The following ARHGAP26 variants were observed in gnomAD, a reference collection of about 807,000 sequenced individuals.
ARHGAP26 encodes the protein rho GTPase-activating protein 26.
A neutral mutation model predicts 104.8 loss-of-function variants in ARHGAP26; 38 were observed. That is an observed-to-expected ratio of 0.36 (90% CI 0.28 to 0.48). The LOEUF (loss-of-function observed/expected upper bound fraction) is 0.48. Among genes scored for constraint, ARHGAP26 ranks in the 20% least tolerant of loss-of-function variants. The pLI, the probability that ARHGAP26 is intolerant of heterozygous loss-of-function variation, is 0.99. For missense variants in ARHGAP26, 704 were observed against 947.9 expected (o/e 0.74, Z 3.38); for synonymous variants, 341 against 340.0 (o/e 1.00, Z -0.03).
chr5:142,983,668 G>A (rs1168692630), intron 11 of ARHGAP26, among the ~76,000 whole-genome samples: 2 of 152,160 alleles, frequency 1.3e-5, no homozygotes, highest in East Asian at 3.8e-4. Context: ...ATAACATAGA[G>A]TAACAAACAG....
intron 1 of ARHGAP26, among the ~76,000 whole-genome samples, chr5:142,855,100 A>G (rs1486995589): frequency 1.3e-5 from 2 of 152,130 alleles, no homozygotes; most frequent in Non-Finnish European, 1.5e-5. Flanking sequence ...TAAAAATGAT[A>G]CAACCTGGCA....
intron 12 of ARHGAP26, among the ~76,000 whole-genome samples, chr5:143,023,396 C>A (rs971891892): frequency 3.9e-5 from 6 of 152,170 alleles, no homozygotes; most frequent in African/African-American, 1.4e-4. Flanking sequence ...GAGATTTAGG[C>A]TTGAAAACTG....
At chr5:143,216,308 G>T (rs1312483275) in intron 22 of ARHGAP26, 4 of 470,910 alleles carry the variant, frequency 8.5e-6, no homozygotes, top group Non-Finnish European at 1.8e-5. Flanking sequence ...TGCTCTTGCT[G>T]CCATAACCCC....
At position 143,149,431 on chromosome 5, in the gene ARHGAP26, C is replaced by T. The variant is rs566995070; in HGVS notation, c.1988+2050C>T. Among the ~76,000 whole-genome samples the T allele has an allele frequency of 4.6e-5, 7 of 152,234 alleles. No individual in the cohort carries two copies. The East Asian group carries it at 9.7e-4, about 21-fold the overall frequency. On this transcript the variant is annotated intron_variant, in intron 20 of 22. Coordinates refer to ENST00000645722, the MANE Select transcript of ARHGAP26 (RefSeq NM_001135608.3). ...CTGAGTGAGAGCCATGTCAAAGTCC[C>T]CCATAAGCTCTGCAGGCAGGCTCGC...
At chr5:143,001,557 C>T (rs1777194067) in intron 11 of ARHGAP26, among the ~76,000 whole-genome samples, 1 of 152,166 alleles carries the variant, frequency 6.6e-6, no homozygotes, top group African/African-American at 2.4e-5. Flanking sequence ...TTCATCTTTT[C>T]TGTATGTTTG....
intron 4 of ARHGAP26, among the ~76,000 whole-genome samples, chr5:142,883,200 A>T (rs1757246889): frequency 6.6e-6 from 1 of 152,068 alleles, no homozygotes; most frequent in Non-Finnish European, 1.5e-5. Flanking sequence ...AATGCCAGTG[A>T]CTCATGTTCC....
intron 20 of ARHGAP26, chr5:143,202,928 A>G (rs1807988430): frequency 6.6e-6 from 1 of 152,272 alleles, no homozygotes; most frequent in South Asian, 2.1e-4. Flanking sequence ...AATTAGCTCA[A>G]GATGGATTAA....
chr5:143,015,330 G>T (rs527429499), intron 12 of ARHGAP26, among the ~76,000 whole-genome samples: 1 of 152,236 alleles, frequency 6.6e-6, no homozygotes, highest in Non-Finnish European at 1.5e-5. Flanking sequence ...ATGTAAGGCT[G>T]TATGGTAGCT....
chr5:143,106,415 A>C lies in ARHGAP26; in HGVS notation c.1539-14573A>C, dbSNP rs900260187. Among the ~76,000 whole-genome samples the C allele has an allele frequency of 1.3e-4, 20 of 150,740 alleles. 1 individual carries two copies. The highest frequency in any genetic ancestry group is 4.4e-4 in the African/African-American group (18 of 41,066). ...CTTAGCAGCTGTTGACACAGACTTC[A>C]GAATTCCCATGGAAAAGGAAGTGAA... On this transcript the variant is annotated intron_variant, in intron 17 of 22. Transcript: ENST00000645722.
chr5:142,851,175 C>A (rs1337144881), intron 1 of ARHGAP26, among the ~76,000 whole-genome samples: 1 of 151,438 alleles, frequency 6.6e-6, no homozygotes, highest in Non-Finnish European at 1.5e-5. Context: ...CGGCTCACTG[C>A]AAGCTCTGCC....
chr5:142,800,604 C>A (rs1021011525), intron 1 of ARHGAP26, among the ~76,000 whole-genome samples: 1 of 152,144 alleles, frequency 6.6e-6, no homozygotes, highest in East Asian at 1.9e-4. Flanking sequence ...CTCAGGTGAT[C>A]CACCCACTCA....
At chr5:142,857,341 T>C (rs1166515297) in intron 1 of ARHGAP26, among the ~76,000 whole-genome samples, 2 of 152,164 alleles carry the variant, frequency 1.3e-5, no homozygotes, top group Non-Finnish European at 2.9e-5. Flanking sequence ...CTCCAAGTCT[T>C]TTCATTCTTC....
intron 1 of ARHGAP26, among the ~76,000 whole-genome samples, chr5:142,830,354 A>G (rs1768151603): frequency 1.3e-5 from 2 of 152,204 alleles, no homozygotes; most frequent in Admixed American, 6.5e-5. Context: ...ATTGAGAGTG[A>G]CTATGGCAAT....
chr5:143,191,986 G>T (rs745865327), intron 20 of ARHGAP26, among the ~76,000 whole-genome samples: 2 of 152,232 alleles, frequency 1.3e-5, no homozygotes, highest in African/African-American at 2.4e-5. Flanking sequence ...TCTGCCAGCA[G>T]TCTTACCCTT....
intron 20 of ARHGAP26, among the ~76,000 whole-genome samples, chr5:143,178,546 G>A (rs1803834714): frequency 6.6e-6 from 1 of 152,192 alleles, no homozygotes; most frequent in Non-Finnish European, 1.5e-5. Flanking sequence ...CTCCTCCAGG[G>A]AGCCTTCCCT....
At chr5:142,912,688 A>G (rs897618816) in intron 9 of ARHGAP26, among the ~76,000 whole-genome samples, 3 of 152,208 alleles carry the variant, frequency 2.0e-5, no homozygotes, top group Non-Finnish European at 1.5e-5. Flanking sequence ...CTGTGGTCTA[A>G]TGGAGAGAGA....
At chr5:142,941,299 C>T (rs1220672731) in intron 11 of ARHGAP26, among the ~76,000 whole-genome samples, 1 of 151,898 alleles carries the variant, frequency 6.6e-6, no homozygotes, top group African/African-American at 2.4e-5. Context: ...TTAGTAATAG[C>T]CATTCTGACT....
chr5:142,997,474 T>C (rs1776574516), intron 11 of ARHGAP26, among the ~76,000 whole-genome samples: 1 of 152,068 alleles, frequency 6.6e-6, no homozygotes, highest in South Asian at 2.1e-4. Context: ...AGTGGCTCCA[T>C]CATAGCTCAT....
chr5:143,175,974 CGTGGTG>C (rs1803422069), intron 20 of ARHGAP26, among the ~76,000 whole-genome samples: 1 of 152,020 alleles, frequency 6.6e-6, no homozygotes, highest in Non-Finnish European at 1.5e-5. Flanking sequence ...ATTAGCCGGG[CGTGGTG>C]GTGTGCCCCT....
Sources: gnomAD v4.1 joint callset for allele counts (sites outside exome capture counted in the v4.1 genomes callset) on GRCh38, gnomAD v4.1.1 for gene constraint, MANE v1.5 for transcripts, NCBI Gene and HGNC (gene_info 2026-07-23, HGNC 2026-07-21) for gene names.